Variants in CCDC92 observed in about 807,000 individuals in gnomAD.
The protein encoded by CCDC92 is coiled-coil domain containing 92.
Under a neutral mutation model 24.9 loss-of-function variants are expected in CCDC92, and 12 were observed. The ratio of observed to expected loss-of-function variants is 0.48; its 90% CI spans 0.31 to 0.78. CCDC92 has a LOEUF of 0.78. CCDC92 is among the 30% of genes least tolerant of loss of function. CCDC92 has a pLI of 0.05. For missense variants in CCDC92, 399 were observed against 439.4 expected, an observed-to-expected ratio of 0.91 and a Z score of 0.82; for synonymous variants, 193 against 196.3, an observed-to-expected ratio of 0.98 and a Z score of 0.14.
Position 123,936,886 on chromosome 12 carries a change from G to A in CCDC92, c.*172C>T. 1 of 701,486 alleles carries A rather than the reference G, an allele frequency of 1.4e-6. No individual in the cohort carries two copies. The allele number at this position is 701,486 out of a possible 1,614,324, so 43.5% of individuals were successfully genotyped here. A position where few individuals can be genotyped will look rare whatever the true frequency, so the allele number is the denominator to read the frequency against. On this transcript the variant is annotated 3_prime_UTR_variant, in exon 5 of 5. Transcript: ENST00000238156. ...ATTAGGAAATACATATTCTGCGGCAGGGACACGATCATATTTTGGTGTGAA... is the reference window on the plus strand; with the variant it reads ...ATTAGGAAATACATATTCTGCGGCAAGGACACGATCATATTTTGGTGTGAA...
At chr12:123,969,474 T>G (rs995351628) in intron 1 of CCDC92, among the ~76,000 whole-genome samples, 1 of 143,088 alleles carries the variant, frequency 7.0e-6, no homozygotes, top group African/African-American at 2.6e-5. Context: ...TTTTTTTTTT[T>G]TTTTTTTTTT....
At chr12:123,941,053 G>A (rs981146973) in intron 4 of CCDC92, among the ~76,000 whole-genome samples, 11 of 152,170 alleles carry the variant, frequency 7.2e-5, no homozygotes, top group African/African-American at 2.7e-4. Flanking sequence ...GGGACCTCAG[G>A]TTGAGAACCG....
intron 1 of CCDC92, among the ~76,000 whole-genome samples, chr12:123,969,144 T>C (rs950111754): frequency 1.3e-5 from 2 of 152,176 alleles, no homozygotes; most frequent in Non-Finnish European, 2.9e-5. Context: ...CTTATTCCCA[T>C]TGCTGATAAA....
intron 1 of CCDC92, chr12:123,972,165 G>A (rs1956566406): frequency 6.6e-6 from 1 of 151,994 alleles, no homozygotes; most frequent in Non-Finnish European, 1.5e-5. Context: ...CGCCGCGGCC[G>A]GTCCGCACCC....
intron 2 of CCDC92, chr12:123,943,879 G>T: frequency 2.3e-6 from 1 of 430,980 alleles, no homozygotes. Flanking sequence ...TTCTAATCCA[G>T]GGACCCTTGG....
At chr12:123,946,548 G>A (rs1258745736) in intron 1 of CCDC92, 2 of 152,594 alleles carry the variant, frequency 1.3e-5, no homozygotes, top group African/African-American at 4.8e-5. Context: ...GTGTCTCTGT[G>A]AGGGTCTGTA....
intron 1 of CCDC92, among the ~76,000 whole-genome samples, chr12:123,967,043 T>C (rs1326516666): frequency 6.6e-6 from 1 of 152,182 alleles, no homozygotes; most frequent in African/African-American, 2.4e-5. Flanking sequence ...TGGGTCCTGA[T>C]ACCACAGTCT....
intron 1 of CCDC92, chr12:123,968,330 A>G (rs1358957673): frequency 1.3e-5 from 2 of 152,224 alleles, no homozygotes; most frequent in Non-Finnish European, 2.9e-5. Context: ...CTGTTTTCTG[A>G]TTAACAAAGA....
At chr12:123,945,811 A>C (rs896725070) in intron 1 of CCDC92, 1 of 152,266 alleles carries the variant, frequency 6.6e-6, no homozygotes, top group East Asian at 1.9e-4. Flanking sequence ...CTGATGGAAG[A>C]AGCAGAGCCC....
intron 1 of CCDC92, among the ~76,000 whole-genome samples, chr12:123,950,392 T>C (rs563643325): frequency 2.2e-3 from 341 of 152,128 alleles, no homozygotes; most frequent in Non-Finnish European, 3.4e-3. Flanking sequence ...GGGTCCACGT[T>C]AGAAAATCAC....
intron 1 of CCDC92, among the ~76,000 whole-genome samples, chr12:123,964,332 C>T (rs1450385648): frequency 2.0e-5 from 3 of 147,476 alleles, no homozygotes; most frequent in Admixed American, 6.9e-5. Context: ...TATTCAAGTT[C>T]TTAGTACTTT....
chr12:123,943,118 C>T (rs1188817182), intron 3 of CCDC92, among the ~76,000 whole-genome samples: 2 of 152,208 alleles, frequency 1.3e-5, no homozygotes, highest in African/African-American at 4.8e-5. Flanking sequence ...ATTGGAGATT[C>T]TAACCATTGT....
chr12:123,968,899 C>T (rs955731510), intron 1 of CCDC92, among the ~76,000 whole-genome samples: 2 of 152,218 alleles, frequency 1.3e-5, no homozygotes, highest in African/African-American at 2.4e-5. Context: ...AACATTAATT[C>T]AGAATTGTTT....
At chr12:123,966,918 T>C (rs979520103) in intron 1 of CCDC92, among the ~76,000 whole-genome samples, 3 of 152,212 alleles carry the variant, frequency 2.0e-5, no homozygotes, top group African/African-American at 7.2e-5. Flanking sequence ...GCTGTCAACC[T>C]ATCTCCAAGG....
At chr12:123,944,973 C>G (rs546468340) in intron 1 of CCDC92, 3 of 151,950 alleles carry the variant, frequency 2.0e-5, no homozygotes, top group Non-Finnish European at 2.9e-5. Flanking sequence ...TTGGTCATCT[C>G]TCTGAACTAG....
At chr12:123,949,499 G>A (rs1320233669) in intron 1 of CCDC92, among the ~76,000 whole-genome samples, 4 of 152,202 alleles carry the variant, frequency 2.6e-5, no homozygotes, top group Non-Finnish European at 5.9e-5. Context: ...GGCTGCCAGA[G>A]GGCCAGCCCC....
chr12:123,948,836 C>G (rs1955949875), intron 1 of CCDC92, among the ~76,000 whole-genome samples: 1 of 152,180 alleles, frequency 6.6e-6, no homozygotes, highest in Non-Finnish European at 1.5e-5. Context: ...TTTCTGAGGG[C>G]AAAAGAGTTT....
intron 1 of CCDC92, among the ~76,000 whole-genome samples, chr12:123,963,671 G>A (rs951666388): frequency 6.6e-6 from 1 of 152,176 alleles, no homozygotes; most frequent in Admixed American, 6.5e-5. Flanking sequence ...GAAGTGAAGA[G>A]GGTGAGTGCA....
At position 123,937,480 on chromosome 12, in the gene CCDC92, C is replaced by T; in HGVS notation, c.574G>A (p.Ala192Thr). ...TCGGGTAGCTTGTCTTTGGGGGGCG[C>T]TGGCTTGTAGCTGGCCAGCACGGGG... The part of the protein sequence containing the change: ...GSPVLASYKP[A>T]PPKDKLPETP... The change falls in exon 5 of 5, where the codon GCG (alanine) becomes ACG (threonine). Residue 192 changes from alanine to threonine, a missense_variant. Physicochemically the swap from Ala to Thr is moderately conservative, Grantham distance 58 (BLOSUM62 0). Transcript: ENST00000238156. This position sits in a 1 kb window ranked among gnomAD's most constrained non-coding sequence, Gnocchi z 8.4. 6.2e-7 allele frequency: 1 copy of T among 1,613,040 alleles called. No individual in the cohort carries two copies. Among genetic ancestry groups the T allele is most frequent in the Non-Finnish European group, 8.5e-7 (1 of 1,179,984 alleles).
Sources: gnomAD v4.1 joint callset for allele counts (sites outside exome capture counted in the v4.1 genomes callset) on GRCh38, gnomAD v4.1.1 for gene constraint, Gnocchi (gnomAD v3.1) non-coding constraint, MANE v1.5 for transcripts, NCBI Gene and HGNC (gene_info 2026-07-23, HGNC 2026-07-21) for gene names.